Variants in TTC7A observed in about 807,000 individuals in gnomAD.
TTC7A encodes tetratricopeptide repeat domain 7A.
In TTC7A, 110 loss-of-function variants were observed where a neutral mutation model predicts 103.7. That is an observed-to-expected ratio of 1.06 (90% CI 0.91 to 1.24). The LOEUF is 1.24. Among genes scored for constraint, TTC7A ranks in the 50% most tolerant of loss-of-function variants. The pLI, the probability that TTC7A is intolerant of heterozygous loss-of-function variation, is 0.00. For synonymous variants in TTC7A, 521 were observed against 467.9 expected (o/e 1.11, Z -1.47); for missense variants, 1,340 against 1,116.3 (o/e 1.20, Z -2.86).
chr2:46,995,301 T>G, intron 8 of TTC7A, 102 bp downstream of exon 8: 1 of 1,132,814 alleles, frequency 8.8e-7, no homozygotes. Context: ...CCAAACTCTG[T>G]CTCCCAGGGA....
chr2:47,025,264 C>T (rs1375608854), intron 14 of TTC7A, among the ~76,000 whole-genome samples: 1 of 152,218 alleles, frequency 6.6e-6, no homozygotes, highest in African/African-American at 2.4e-5. Flanking sequence ...GGAAGCCCTA[C>T]CTTCTGAGGA....
In TTC7A at chr2:47,005,235, G is replaced by A. The variant is rs567563250; in HGVS notation, c.1066-687G>A. 6.6e-5 allele frequency among the ~76,000 whole-genome samples: 10 copies of A among 152,212 alleles called. 1 individual carries two copies. The Middle Eastern group carries it at 0.01, about 155-fold the overall frequency. ...GGGCTGGACACAGAGAGGAAGGGAGGGGGGGGCTCTGGGAATGTCGTTGTC... is the reference window on the plus strand; with the variant it reads ...GGGCTGGACACAGAGAGGAAGGGAGAGGGGGGCTCTGGGAATGTCGTTGTC... On this transcript the variant is annotated intron_variant, in intron 8 of 19. Coordinates refer to ENST00000319190, the MANE Select transcript of TTC7A (RefSeq NM_020458.4).
At chr2:46,999,197 A>G (rs1358843766) in intron 8 of TTC7A, among the ~76,000 whole-genome samples, 3 of 151,592 alleles carry the variant, frequency 2.0e-5, no homozygotes, top group Non-Finnish European at 2.9e-5. Context: ...CCATCCATCC[A>G]TCCACCCATT....
At chr2:46,936,319 G>C (rs1669977814), upstream of TTC7A, among the ~76,000 whole-genome samples, 1 of 152,170 alleles carries the variant, frequency 6.6e-6, no homozygotes, top group African/African-American at 2.4e-5. Context: ...TAGAGAAGAA[G>C]ATAGGTGTAG....
chr2:46,973,801 C>G (rs910685200), intron 3 of TTC7A, among the ~76,000 whole-genome samples: 2 of 152,234 alleles, frequency 1.3e-5, no homozygotes, highest in Non-Finnish European at 2.9e-5. Context: ...TACAGTCCAA[C>G]TTGCTCACCC....
chr2:47,072,425 C>G (rs1282192180), intron 19 of TTC7A, among the ~76,000 whole-genome samples: 1 of 152,218 alleles, frequency 6.6e-6, no homozygotes, highest in Non-Finnish European at 1.5e-5. Context: ...TTCCTGAGCG[C>G]CATCTTTCAC....
chr2:46,975,721 TA>T (rs1673814226), intron 4 of TTC7A, among the ~76,000 whole-genome samples: 1 of 152,134 alleles, frequency 6.6e-6, no homozygotes, highest in South Asian at 2.1e-4. Flanking sequence ...TTTTAATTTT[TA>T]TGCATTTTAT....
intron 3 of TTC7A, among the ~76,000 whole-genome samples, chr2:46,964,553 C>A (rs1312103131): frequency 6.6e-6 from 1 of 152,200 alleles, no homozygotes; most frequent in African/African-American, 2.4e-5. Flanking sequence ...AGCACTCTGT[C>A]TGGGGCAATC....
chr2:47,070,163 G>A (rs1411840272), intron 19 of TTC7A, among the ~76,000 whole-genome samples: 1 of 152,252 alleles, frequency 6.6e-6, no homozygotes, highest in African/African-American at 2.4e-5. Context: ...CTGGGATGGT[G>A]TGCAGTGGAA....
Position 46,957,238 on chromosome 2 carries a change from C to T in TTC7A, c.517+231C>T, listed in dbSNP as rs528188191. Among the ~76,000 whole-genome samples the T allele has an allele frequency of 1.1e-4, 16 of 152,372 alleles. 1 individual carries two copies. In the South Asian group the frequency reaches 3.3e-3, roughly 32 times the overall value. On this transcript the variant is annotated intron_variant, in intron 3 of 19. Transcript: ENST00000319190. ...CCCTGGCTCTGTCAACAACAATTAC[C>T]CTACTTTGTGTACCCTTGGGCAATC...
At chr2:47,063,703 G>A (rs556567715) in intron 19 of TTC7A, among the ~76,000 whole-genome samples, 7 of 152,362 alleles carry the variant, frequency 4.6e-5, no homozygotes, top group Admixed American at 1.3e-4. Context: ...TTATGAGGAC[G>A]TTGGCCTCTG....
At chr2:46,961,599 A>ATAAATAAATAAG (rs1248259579) in intron 3 of TTC7A, among the ~76,000 whole-genome samples, 83 of 150,658 alleles carry the variant, frequency 5.5e-4, no homozygotes, top group Middle Eastern at 3.4e-3. Flanking sequence ...AAATAAATAA[A>ATAAATAAATAAG]TAAATAAAAT....
At chr2:46,955,157 C>T (rs925185846) in intron 2 of TTC7A, among the ~76,000 whole-genome samples, 10 of 151,162 alleles carry the variant, frequency 6.6e-5, no homozygotes, top group Non-Finnish European at 1.5e-4. Context: ...CCTTCAGCAT[C>T]GCTGTGATAG....
chr2:47,021,765 C>A, intron 11 of TTC7A, 97 bp from the exon 12 acceptor site: 1 of 938,532 alleles, frequency 1.1e-6, no homozygotes. Flanking sequence ...TGACCTTGAG[C>A]ACAAGGCTTC....
chr2:46,994,150 CTG>C, intron 6 of TTC7A: 1 of 596,350 alleles, frequency 1.7e-6, no homozygotes, highest in South Asian at 2.2e-5. Context: ...TAGGAGCCGT[CTG>C]AGGCCAGCAG....
chr2:46,969,721 T>A (rs1182327076), intron 3 of TTC7A, among the ~76,000 whole-genome samples: 1 of 152,140 alleles, frequency 6.6e-6, no homozygotes, highest in East Asian at 1.9e-4. Context: ...CAGGAAATAT[T>A]TTTTAAGTAG....
intron 3 of TTC7A, among the ~76,000 whole-genome samples, chr2:46,958,008 C>A (rs2104029367): frequency 6.6e-6 from 1 of 152,328 alleles, no homozygotes; most frequent in Admixed American, 6.5e-5. Context: ...TACCCAGATA[C>A]ATGGTGGAGC....
intron 5 of TTC7A, among the ~76,000 whole-genome samples, chr2:46,982,280 G>A (rs1674547587): frequency 6.6e-6 from 1 of 152,154 alleles, no homozygotes; most frequent in Non-Finnish European, 1.5e-5. Flanking sequence ...AGGCTGAGGT[G>A]GGAGGATCAT....
chr2:47,023,500 T>C, intron 13 of TTC7A, 35 bp downstream of exon 13: 2 of 1,609,882 alleles, frequency 1.2e-6, no homozygotes, highest in Middle Eastern at 3.3e-4. Flanking sequence ...GAGGCCCCTC[T>C]TGCCTTTGGT....
Sources: gnomAD v4.1 joint callset for allele counts (sites outside exome capture counted in the v4.1 genomes callset) on GRCh38, gnomAD v4.1.1 for gene constraint, MANE v1.5 for transcripts, NCBI Gene and HGNC (gene_info 2026-07-23, HGNC 2026-07-21) for gene names.